The following SEPTIN10 variants were observed in gnomAD, a reference collection of about 807,000 sequenced individuals.
The protein encoded by SEPTIN10 is septin 10, also known as septin-10.
Under a neutral mutation model 54.8 loss-of-function variants are expected in SEPTIN10, and 66 were observed. That is an observed-to-expected ratio of 1.21 (90% CI 0.99 to 1.48). The LOEUF (loss-of-function observed/expected upper bound fraction) is 1.48, where lower values mean the gene tolerates loss of function less well. Ranked by LOEUF, SEPTIN10 falls within the 40% of genes most tolerant of loss-of-function variation. The probability of loss-of-function intolerance (pLI) is 0.00; values close to 1 mark genes in which losing one functional copy is unlikely to be tolerated. For missense variants in SEPTIN10, 620 were observed against 545.6 expected, an observed-to-expected ratio of 1.14 and a Z score of -1.36; for synonymous variants, 161 against 181.0, an observed-to-expected ratio of 0.89 and a Z score of 0.89.
rs1689205266 is a variant in SEPTIN10 at position 109,574,624 on chromosome 2, A to G, written c.557T>C (p.Leu186Pro). The G allele has an allele frequency of 6.2e-7, 1 of 1,604,978 alleles. No individual in the cohort carries two copies. The highest frequency in any genetic ancestry group is 8.5e-7 in the Non-Finnish European group (1 of 1,175,932). Reference sequence around the variant, plus strand: ...CATGGTTAAGAGATCAAGTGTCTTCAGAGAGTGGCCTGTCGGTGAAATGAA... The same window carrying G: ...CATGGTTAAGAGATCAAGTGTCTTCGGAGAGTGGCCTGTCGGTGAAATGAA... ...LYFISPTGHSLKTLDLLTMKN... is the reference protein window; with the variant it reads ...LYFISPTGHSPKTLDLLTMKN... Residue 186 changes from leucine (L) to proline (P), a missense_variant, in exon 5 of 11, where the codon CTG (leucine) becomes CCG (proline). Coordinates refer to ENST00000397712, the MANE Select transcript of SEPTIN10 (RefSeq NM_144710.5).
intron 1 of SEPTIN10, among the ~76,000 whole-genome samples, chr2:109,604,018 C>T (rs981276894): frequency 1.8e-4 from 27 of 151,568 alleles, no homozygotes; most frequent in Non-Finnish European, 2.1e-4. Flanking sequence ...AAAAATTAGC[C>T]GGGCATAGTG....
chr2:109,590,553 T>C (rs1176355898), intron 2 of SEPTIN10, among the ~76,000 whole-genome samples: 5 of 152,088 alleles, frequency 3.3e-5, no homozygotes, highest in Non-Finnish European at 7.4e-5. Context: ...TGCCTCAGCC[T>C]CTCGAGCAGC....
In SEPTIN10 at chr2:109,576,295, C is replaced by T. The variant is rs547790310; in HGVS notation, c.414-1528G>A. On this transcript the variant is annotated intron_variant, in intron 4 of 10. Transcript: ENST00000397712. Reference sequence around the variant, plus strand: ...ATATATATATATATAGACAGGGTCTCGTTGTGTTGCCCGGGCTGGTCTTGA... The same window carrying T: ...ATATATATATATATAGACAGGGTCTTGTTGTGTTGCCCGGGCTGGTCTTGA... Among the ~76,000 whole-genome samples the T allele has an allele frequency of 1.3e-4, 19 of 151,690 alleles. No individual in the cohort carries two copies. In the East Asian group the frequency reaches 1.6e-3, roughly 13 times the overall value.
chr2:109,547,369 G>GTT (rs35573327), intron 9 of SEPTIN10, among the ~76,000 whole-genome samples: 9,141 of 117,712 alleles, frequency 0.078, 679 homozygotes, highest in East Asian at 0.26. Context: ...TAATAAACTT[G>GTT]TTTTTTTTTT....
chr2:109,546,569 A>C (rs1354194380), intron 9 of SEPTIN10, among the ~76,000 whole-genome samples: 1 of 152,168 alleles, frequency 6.6e-6, no homozygotes, highest in Non-Finnish European at 1.5e-5. Flanking sequence ...TCCATGCTCA[A>C]TAAAAATAAG....
At chr2:109,587,957 G>A (rs112496963) in intron 2 of SEPTIN10, among the ~76,000 whole-genome samples, 9,830 of 151,508 alleles carry the variant, frequency 0.065, 757 homozygotes, top group East Asian at 0.24. Context: ...TTACCCGGGC[G>A]TGGTGGCACC....
chr2:109,587,749 T>C (rs568625650), intron 2 of SEPTIN10, among the ~76,000 whole-genome samples: 1 of 152,022 alleles, frequency 6.6e-6, no homozygotes, highest in South Asian at 2.1e-4. Context: ...CTGTGTCTAC[T>C]AAAAATACAA....
chr2:109,550,475 G>A (rs1310939885), intron 9 of SEPTIN10, among the ~76,000 whole-genome samples: 3 of 151,576 alleles, frequency 2.0e-5, no homozygotes, highest in Admixed American at 6.6e-5. Context: ...CACCATGCCT[G>A]GCTAATTTTT....
intron 8 of SEPTIN10, among the ~76,000 whole-genome samples, chr2:109,555,736 C>T (rs1684209574): frequency 6.6e-6 from 1 of 152,194 alleles, no homozygotes; most frequent in Admixed American, 6.5e-5. Context: ...CCTCTTCCTC[C>T]CTGTTCTTTC....
chr2:109,611,979 G>A (rs1699357562), intron 1 of SEPTIN10, among the ~76,000 whole-genome samples: 1 of 152,092 alleles, frequency 6.6e-6, no homozygotes, highest in East Asian at 1.9e-4. Flanking sequence ...GTATTCCTGG[G>A]CATCTATCCC....
chr2:109,576,459 A>C (rs752474647), intron 4 of SEPTIN10, among the ~76,000 whole-genome samples: 51 of 152,166 alleles, frequency 3.4e-4, no homozygotes, highest in Non-Finnish European at 6.3e-4. Flanking sequence ...AAAACCTTGA[A>C]CATTACAAGA....
chr2:109,545,001 A>G, intron 10 of SEPTIN10: 1 of 985,466 alleles, frequency 1.0e-6, no homozygotes, highest in Non-Finnish European at 1.2e-6. Flanking sequence ...CCTGTGGTTT[A>G]CTTCTCCATA....
At position 109,549,966 on chromosome 2, in the gene SEPTIN10, G is replaced by A. The variant is rs1013546945; in HGVS notation, c.1161+3121C>T. 9.9e-5 allele frequency among the ~76,000 whole-genome samples: 15 copies of A among 152,090 alleles called. 1 individual carries two copies. The highest frequency in any genetic ancestry group is 8.5e-4 in the Admixed American group (13 of 15,268). The stretch of plus-strand genomic sequence containing the variant: ...GTGTAAAGGGGGACTACTGTACAAT[G>A]CTGTATCTTTTGTAAACACTACTTT... On this transcript the variant is annotated intron_variant, in intron 9 of 10. Coordinates refer to ENST00000397712, the MANE Select transcript of SEPTIN10 (RefSeq NM_144710.5).
chr2:109,613,892 A>ACGGCGG lies in SEPTIN10; in HGVS notation c.-71_-66dup, dbSNP rs1257014662. On this transcript the variant is annotated 5_prime_UTR_variant, in exon 1 of 11. Coordinates refer to ENST00000397712, the MANE Select transcript of SEPTIN10 (RefSeq NM_144710.5). ...CGGCCCCGAGCGGCTGGTCCCGGCG[A>ACGGCGG]CGGCGGCGGGAAGGCCGGAGGGCAG... 2.5e-6 allele frequency: 3 copies of ACGGCGG among 1,218,134 alleles called. No homozygotes were observed. The highest frequency in any genetic ancestry group is 3.1e-5 in the African/African-American group (2 of 63,506). 75.5% of individuals were successfully genotyped at this position (1,218,134 alleles called of 1,614,324 possible). A position where few individuals can be genotyped will look rare whatever the true frequency, so the allele number is the denominator to read the frequency against.
intron 5 of SEPTIN10, among the ~76,000 whole-genome samples, chr2:109,574,208 G>T (rs1689046922): frequency 6.6e-6 from 1 of 151,334 alleles, no homozygotes; most frequent in Admixed American, 6.6e-5. Context: ...AGAGACCAAG[G>T]AAGGAAAATC....
In SEPTIN10 at chr2:109,591,444, C is replaced by CTA. The variant is rs554888713; in HGVS notation, c.99+1605_99+1606dup. ...TGGATGGACTAGTCACTAAAGATTA[C>CTA]TAGTGACTCTGACAGTAATCTCTGG... On this transcript the variant is annotated intron_variant, in intron 2 of 10. Coordinates refer to ENST00000397712, the MANE Select transcript of SEPTIN10 (RefSeq NM_144710.5). Among the ~76,000 whole-genome samples, 21 of 152,240 alleles carry CTA rather than the reference C, an allele frequency of 1.4e-4. No individual in the cohort carries two copies. In the South Asian group the frequency reaches 4.4e-3, roughly 32 times the overall value.
intron 1 of SEPTIN10, among the ~76,000 whole-genome samples, chr2:109,609,679 AAC>A (rs1369138396): frequency 6.6e-6 from 1 of 152,172 alleles, no homozygotes; most frequent in Non-Finnish European, 1.5e-5. Context: ...CAGAAAGTAA[AAC>A]AAATGAGAAG....
chr2:109,545,821 T>C, intron 10 of SEPTIN10: 2 of 1,428,018 alleles, frequency 1.4e-6, no homozygotes, highest in South Asian at 3.2e-5. Context: ...TGTTCATTCA[T>C]TCATTTTGGC....
intron 1 of SEPTIN10, among the ~76,000 whole-genome samples, chr2:109,604,634 G>A (rs1200836392): frequency 2.6e-5 from 4 of 151,148 alleles, no homozygotes; most frequent in African/African-American, 4.9e-5. Flanking sequence ...GGCTGAGGCA[G>A]GAGAATGGCA....
Sources: gnomAD v4.1 joint callset for allele counts (sites outside exome capture counted in the v4.1 genomes callset) on GRCh38, gnomAD v4.1.1 for gene constraint, MANE v1.5 for transcripts, NCBI Gene and HGNC (gene_info 2026-07-23, HGNC 2026-07-21) for gene names.